RAI14: variants seen among roughly 807,000 people sequenced by gnomAD.
The protein encoded by RAI14 is retinoic acid induced 14.
Under a neutral mutation model 115.4 loss-of-function variants are expected in RAI14, and 45 were observed. The ratio of observed to expected loss-of-function variants is 0.39; its 90% CI spans 0.31 to 0.50. The LOEUF is 0.50. Among genes scored for constraint, RAI14 ranks in the 20% least tolerant of loss-of-function variants. RAI14 has a pLI of 0.85. For synonymous variants in RAI14, 371 were observed against 415.4 expected (o/e 0.89, Z 1.30); for missense variants, 939 against 1,131.2 (o/e 0.83, Z 2.44).
chr5:34,717,574 A>C (rs770323725), intron 2 of RAI14, among the ~76,000 whole-genome samples: 1 of 152,188 alleles, frequency 6.6e-6, no homozygotes, highest in Non-Finnish European at 1.5e-5. Flanking sequence ...GATGGTTACA[A>C]GGTAAGACGT....
intron 2 of RAI14, among the ~76,000 whole-genome samples, chr5:34,738,111 T>A (rs1421928785): frequency 6.6e-6 from 1 of 152,174 alleles, no homozygotes; most frequent in Non-Finnish European, 1.5e-5. Context: ...CTATTAGAAG[T>A]TGTAAGATTT....
chr5:34,808,767 T>C lies in RAI14; in HGVS notation c.450+113T>C, dbSNP rs1490152397. 16 of 1,002,842 alleles carry C rather than the reference T, an allele frequency of 1.6e-5. No individual in the cohort carries two copies. In the South Asian group the frequency reaches 2.1e-4, roughly 13 times the overall value. 62.1% of individuals were successfully genotyped at this position (1,002,842 alleles called of 1,614,324 possible). ...CTAGCAGTCTCCAACCTTTTTGGCATCAGGGGCTGATTTTGAGGAAGATAA... is the reference window on the plus strand; with the variant it reads ...CTAGCAGTCTCCAACCTTTTTGGCACCAGGGGCTGATTTTGAGGAAGATAA... On this transcript the variant is annotated intron_variant, in intron 7 of 17. Transcript: ENST00000265109.
rs1239262052 is a variant in RAI14, at chr5:34,803,761, C to T, written c.306C>T (p.Ile102=). ...CCAAGAACAGCCACCATGAATGCAT[C>T]AGGAAGCTGCTTCAGGTAAGCTGGT... is the stretch of plus-strand genomic sequence containing the variant. The part of the protein sequence containing the change: ...LAAKNSHHEC[I]RKLLQSKCPA... Residue 102 remains isoleucine, a synonymous_variant, in exon 5 of 18, where the codon ATC becomes ATT. Coordinates refer to ENST00000265109, the MANE Select transcript of RAI14 (RefSeq NM_015577.3). 1 of 1,612,332 alleles carries T rather than the reference C, an allele frequency of 6.2e-7. No homozygotes were observed. The highest frequency in any genetic ancestry group is 1.7e-5 in the Admixed American group (1 of 59,850).
At chr5:34,751,993 C>A (rs556552029) in intron 2 of RAI14, among the ~76,000 whole-genome samples, 23 of 152,212 alleles carry the variant, frequency 1.5e-4, no homozygotes, top group African/African-American at 5.3e-4. Context: ...TTCCAGGGCT[C>A]CACCCCAGAC....
chr5:34,825,518 A>G (rs1221969588), intron 15 of RAI14, among the ~76,000 whole-genome samples: 23 of 152,090 alleles, frequency 1.5e-4, no homozygotes, highest in Non-Finnish European at 3.4e-4. Context: ...CTGTTTCCCT[A>G]AGGTCCATGA....
intron 1 of RAI14, among the ~76,000 whole-genome samples, chr5:34,674,586 GTTTT>G (rs370599165): frequency 7.5e-6 from 1 of 132,538 alleles, no homozygotes; most frequent in African/African-American, 2.8e-5. Flanking sequence ...CGGATCTTTT[GTTTT>G]TTTTTTTTTT....
At chr5:34,727,241 C>T (rs1208187187) in intron 2 of RAI14, among the ~76,000 whole-genome samples, 1 of 152,060 alleles carries the variant, frequency 6.6e-6, no homozygotes, top group Non-Finnish European at 1.5e-5. Flanking sequence ...TGCCCCTGCC[C>T]TAGAGATCTG....
chr5:34,823,905 C>G lies in RAI14; in HGVS notation c.2063C>G (p.Thr688Arg). 1 of 1,614,136 alleles carries G rather than the reference C, an allele frequency of 6.2e-7. No homozygotes were observed. The highest frequency in any genetic ancestry group is 8.5e-7 in the Non-Finnish European group (1 of 1,180,000). ...GAGCATGAGAAACTGATGCAATTGA[C>G]AAACGTGTCCAGGGCTAAAGCAGAA... ...KAEHEKLMQL[T>R]NVSRAKAEDA... The change falls in exon 15 of 18, where the codon ACA (threonine) becomes AGA (arginine). Residue 688 changes from threonine to arginine, a missense_variant. Coordinates refer to ENST00000265109, the MANE Select transcript of RAI14 (RefSeq NM_015577.3). The surrounding 1 kb of genome is among the most constrained non-coding windows in gnomAD (Gnocchi z 4.5).
intron 3 of RAI14, among the ~76,000 whole-genome samples, chr5:34,763,266 TTC>T (rs1451648112): frequency 1.3e-5 from 2 of 152,198 alleles, no homozygotes; most frequent in African/African-American, 4.8e-5. Flanking sequence ...TCTCCAGTTC[TTC>T]TCACGTACAG....
intron 1 of RAI14, among the ~76,000 whole-genome samples, chr5:34,677,228 G>T (rs989118082): frequency 6.7e-6 from 1 of 149,028 alleles, no homozygotes; most frequent in Non-Finnish European, 1.5e-5. Flanking sequence ...GCAGTGGCAC[G>T]ATCTCAGCTC....
chr5:34,699,392 G>C (rs1338593876), intron 2 of RAI14, among the ~76,000 whole-genome samples: 3 of 152,164 alleles, frequency 2.0e-5, no homozygotes, highest in Non-Finnish European at 4.4e-5. Flanking sequence ...GGAAGAATCA[G>C]CCGTGTCTCT....
chr5:34,698,529 C>T (rs1739621643), intron 2 of RAI14, among the ~76,000 whole-genome samples: 1 of 151,996 alleles, frequency 6.6e-6, no homozygotes, highest in Admixed American at 6.6e-5. Flanking sequence ...TGTGGCCATT[C>T]AACATCGCAG....
intron 1 of RAI14, among the ~76,000 whole-genome samples, chr5:34,658,196 G>A (rs1742429884): frequency 6.6e-6 from 1 of 152,098 alleles, no homozygotes; most frequent in Non-Finnish European, 1.5e-5. Context: ...TCTTATTACT[G>A]TTATCTGAAT....
At chr5:34,753,190 TGA>T (rs1369792202) in intron 2 of RAI14, among the ~76,000 whole-genome samples, 2 of 152,074 alleles carry the variant, frequency 1.3e-5, no homozygotes, top group East Asian at 3.9e-4. Context: ...TGGAAAGTGG[TGA>T]GAGGTAATTT....
chr5:34,781,937 AAGCCAGTC>A, intron 3 of RAI14, among the ~76,000 whole-genome samples: 1 of 152,226 alleles, frequency 6.6e-6, no homozygotes, highest in East Asian at 1.9e-4. Flanking sequence ...TATTGACAGC[AAGCCAGTC>A]ATGAGATTTA....
In RAI14 at chr5:34,792,974, G is replaced by A. The variant is rs1459443657; in HGVS notation, c.168-2965G>A. 5.9e-5 allele frequency among the ~76,000 whole-genome samples: 9 copies of A among 152,244 alleles called. No individual in the cohort carries two copies. In the East Asian group the frequency reaches 1.5e-3, roughly 26 times the overall value. On this transcript the variant is annotated intron_variant, in intron 3 of 17. Coordinates refer to ENST00000265109, the MANE Select transcript of RAI14 (RefSeq NM_015577.3). ...GAATAGAGAAAAAAAGTCACTTATT[G>A]ATCTAAACTCTCAATGGGAGAGGGA...
intron 3 of RAI14, among the ~76,000 whole-genome samples, chr5:34,781,487 A>G (rs1240388026): frequency 6.6e-6 from 1 of 152,222 alleles, no homozygotes; most frequent in Non-Finnish European, 1.5e-5. Flanking sequence ...ATAATTAACC[A>G]AAAGAACTAC....
chr5:34,789,971 T>G (rs1421114769), intron 3 of RAI14, among the ~76,000 whole-genome samples: 1 of 152,192 alleles, frequency 6.6e-6, no homozygotes, highest in African/African-American at 2.4e-5. Flanking sequence ...GATGTTTTTG[T>G]CCCTCTTCTA....
chr5:34,688,837 A>G (rs906485807), intron 2 of RAI14, among the ~76,000 whole-genome samples: 2 of 152,220 alleles, frequency 1.3e-5, no homozygotes, highest in Non-Finnish European at 2.9e-5. Flanking sequence ...AATGCTAATA[A>G]TAATTAACCA....
Sources: allele counts gnomAD v4.1 joint callset (sites outside exome capture counted in the v4.1 genomes callset), GRCh38; gene constraint gnomAD v4.1.1; non-coding constraint Gnocchi (gnomAD v3.1); transcripts MANE v1.5; gene names NCBI Gene and HGNC (gene_info 2026-07-23, HGNC 2026-07-21).